DOK5: variants seen among roughly 807,000 people sequenced by gnomAD.
The protein encoded by DOK5 is downstream of tyrosine kinase 5.
In DOK5, 27 loss-of-function variants were observed where a neutral mutation model predicts 43.3. That is an observed-to-expected ratio of 0.62 (90% CI 0.46 to 0.86). The LOEUF is 0.86. DOK5 is among the 40% of genes least tolerant of loss of function. The probability of loss-of-function intolerance (pLI) is 0.00; values close to 1 mark genes in which losing one functional copy is unlikely to be tolerated. For missense variants in DOK5, 373 were observed against 392.9 expected (o/e 0.95, Z 0.43); for synonymous variants, 146 against 140.1 (o/e 1.04, Z -0.30).
intron 1 of DOK5, 52 bp downstream of exon 1, chr20:54,476,064 C>A (rs1981409786): frequency 6.2e-7 from 1 of 1,604,580 alleles, no homozygotes; most frequent in Non-Finnish European, 8.5e-7. Context: ...TTGTCTCTCT[C>A]TTGAGCCAGC....
intron 1 of DOK5, among the ~76,000 whole-genome samples, chr20:54,489,375 A>G (rs889470330): frequency 6.6e-6 from 1 of 152,072 alleles, no homozygotes; most frequent in East Asian, 1.9e-4. Flanking sequence ...CTCTTCCAGA[A>G]TAGTCTATAT....
At chr20:54,499,184 G>A (rs1238985939) in intron 1 of DOK5, among the ~76,000 whole-genome samples, 1 of 152,188 alleles carries the variant, frequency 6.6e-6, no homozygotes, top group African/African-American at 2.4e-5. Flanking sequence ...AAACATTGCT[G>A]TTACTCCCTT....
intron 1 of DOK5, among the ~76,000 whole-genome samples, chr20:54,550,083 G>A (rs1275898667): frequency 1.3e-5 from 2 of 149,642 alleles, no homozygotes; most frequent in African/African-American, 5.0e-5. Flanking sequence ...ATCTCCACCT[G>A]AAAAGGATTT....
intron 6 of DOK5, among the ~76,000 whole-genome samples, chr20:54,619,023 TTATATATATATATATATA>T (rs11468808): frequency 0.021 from 931 of 43,376 alleles, 24 homozygotes; most frequent in African/African-American, 0.06. Flanking sequence ...TTTCAATAAA[TTATATATATATATATATA>T]TATATATATA....
chr20:54,576,407 GAC>G (rs1418874349), intron 2 of DOK5, among the ~76,000 whole-genome samples: 1 of 152,008 alleles, frequency 6.6e-6, no homozygotes. Context: ...AATGAATCCA[GAC>G]ACACACACAA....
intron 1 of DOK5, among the ~76,000 whole-genome samples, chr20:54,535,226 A>T (rs1234197896): frequency 6.6e-6 from 1 of 151,644 alleles, no homozygotes; most frequent in Non-Finnish European, 1.5e-5. Context: ...CTTGGCTTAA[A>T]TTTTTTTACC....
Position 54,523,449 on chromosome 20 carries a change from C to T in DOK5, c.67-31484C>T, listed in dbSNP as rs1600679134. Among the ~76,000 whole-genome samples the T allele has an allele frequency of 5.3e-5, 8 of 152,062 alleles. No individual in the cohort carries two copies. The South Asian group carries it at 1.7e-3, about 32-fold the overall frequency. ...GGCATGGTGGCCCATGCCTGTTATC[C>T]CAGCTACTCTGGAGGCTGAGGCAGG... On this transcript the variant is annotated intron_variant, in intron 1 of 7. Coordinates refer to ENST00000262593, the MANE Select transcript of DOK5 (RefSeq NM_018431.5).
At chr20:54,556,605 C>A (rs1309831572) in intron 2 of DOK5, among the ~76,000 whole-genome samples, 2 of 152,180 alleles carry the variant, frequency 1.3e-5, no homozygotes, top group African/African-American at 2.4e-5. Context: ...GGATGACTTG[C>A]TTTATTTTTG....
intron 1 of DOK5, among the ~76,000 whole-genome samples, chr20:54,491,468 C>T (rs533103700): frequency 6.6e-6 from 1 of 152,318 alleles, no homozygotes; most frequent in South Asian, 2.1e-4. Flanking sequence ...AGTATCGCAG[C>T]TGCAGTCCCC....
chr20:54,598,974 A>C (rs898237631), intron 5 of DOK5, among the ~76,000 whole-genome samples: 3 of 152,236 alleles, frequency 2.0e-5, no homozygotes, highest in Non-Finnish European at 4.4e-5. Context: ...GTGAGTTTAC[A>C]GGTAAAATGA....
In DOK5 at chr20:54,611,860, G is replaced by A. The variant is rs149304589; in HGVS notation, c.735+1337G>A. 7.2e-5 allele frequency among the ~76,000 whole-genome samples: 11 copies of A among 152,256 alleles called. No individual in the cohort carries two copies. In the East Asian group the frequency reaches 1.5e-3, roughly 21 times the overall value. On this transcript the variant is annotated intron_variant, in intron 6 of 7. Transcript: ENST00000262593. ...ATGTGATCTGTTCCAACACAGCCCC[G>A]GGTTATTCCCAAATGACGTCTATAG...
At chr20:54,562,179 T>A (rs1328847520) in intron 2 of DOK5, among the ~76,000 whole-genome samples, 1 of 152,178 alleles carries the variant, frequency 6.6e-6, no homozygotes, top group Non-Finnish European at 1.5e-5. Context: ...CAACATAGTG[T>A]CTCATGCAAA....
chr20:54,579,328 T>A (rs1985556772), intron 2 of DOK5, among the ~76,000 whole-genome samples: 1 of 151,332 alleles, frequency 6.6e-6, no homozygotes, highest in South Asian at 2.1e-4. Context: ...ATTCTGAGTA[T>A]CTTTTGCTGC....
At chr20:54,636,833 A>G (rs991234338) in intron 6 of DOK5, among the ~76,000 whole-genome samples, 3 of 152,202 alleles carry the variant, frequency 2.0e-5, no homozygotes, top group Admixed American at 2.0e-4. Flanking sequence ...ACGAACTCCC[A>G]AGATAATGGC....
chr20:54,624,851 A>C (rs1568817328), intron 6 of DOK5, among the ~76,000 whole-genome samples: 1 of 152,178 alleles, frequency 6.6e-6, no homozygotes, highest in Non-Finnish European at 1.5e-5. Context: ...TTTGGCCCCA[A>C]ATGGTTGATT....
In DOK5 at chr20:54,554,915, C is replaced by A. The variant is rs768673028; in HGVS notation, c.67-18C>A. ...AGTCAGGGGAGATGCTGAGCTCAGT[C>A]TTTGTATTTCCTTCCAGATTTATCA... On this transcript the variant is annotated intron_variant, in intron 1 of 7. Transcript: ENST00000262593. 8.5e-6 allele frequency: 13 copies of A among 1,532,088 alleles called. No homozygotes were observed. The Admixed American group carries it at 2.2e-4, about 26-fold the overall frequency. 94.9% of individuals were successfully genotyped at this position (1,532,088 alleles called of 1,614,324 possible). A position where few individuals can be genotyped will look rare whatever the true frequency, so the allele number is the denominator to read the frequency against.
intron 2 of DOK5, among the ~76,000 whole-genome samples, chr20:54,560,052 G>A (rs749686188): frequency 6.6e-5 from 10 of 152,232 alleles, no homozygotes; most frequent in Admixed American, 2.0e-4. Flanking sequence ...GCAAAAATAG[G>A]ATTCTAGCTT....
chr20:54,628,101 C>T (rs7270451), intron 6 of DOK5, among the ~76,000 whole-genome samples: 40,912 of 151,984 alleles, frequency 0.27, 6,138 homozygotes, highest in African/African-American at 0.36. Flanking sequence ...ATCACATCGG[C>T]GCTAGCCAGC....
At chr20:54,518,027 TC>T (rs1435792932) in intron 1 of DOK5, among the ~76,000 whole-genome samples, 1 of 152,176 alleles carries the variant, frequency 6.6e-6, no homozygotes, top group African/African-American at 2.4e-5. Flanking sequence ...ATTAAGCCCT[TC>T]CTTCTTGCCA....
Sources: allele counts gnomAD v4.1 joint callset (sites outside exome capture counted in the v4.1 genomes callset), GRCh38; gene constraint gnomAD v4.1.1; transcripts MANE v1.5; gene names NCBI Gene and HGNC (gene_info 2026-07-23, HGNC 2026-07-21).